Variants in PTPRE observed in about 807,000 individuals in gnomAD.
PTPRE encodes the protein protein tyrosine phosphatase receptor type E.
A neutral mutation model predicts 102.0 loss-of-function variants in PTPRE; 51 were observed. That is an observed-to-expected ratio of 0.50 (90% CI 0.40 to 0.63). The LOEUF (loss-of-function observed/expected upper bound fraction) is 0.63. Among genes scored for constraint, PTPRE ranks in the 30% least tolerant of loss-of-function variants. PTPRE has a pLI of 0.00. For missense variants in PTPRE, 752 were observed against 915.1 expected (o/e 0.82, Z 2.30); for synonymous variants, 345 against 348.2 (o/e 0.99, Z 0.10).
chr10:128,065,598 T>C (rs1379322807), intron 10 of PTPRE, among the ~76,000 whole-genome samples: 1 of 152,166 alleles, frequency 6.6e-6, no homozygotes, highest in African/African-American at 2.4e-5. Flanking sequence ...TCATCACTCT[T>C]GAATGGCAGA....
Position 128,070,773 on chromosome 10 carries a change from G to A in PTPRE, c.1294-35G>A, listed in dbSNP as rs766040487. On this transcript the variant is annotated intron_variant, in intron 14 of 20. Transcript: ENST00000254667. The surrounding 1 kb of genome is among the most constrained non-coding windows in gnomAD (Gnocchi z 4.8). ...AGCAATGTGCTCAGGAGTGTCAGAG[G>A]TTTAACTGTGTCATTATATCCTTCT... The A allele has an allele frequency of 1.3e-6, 2 of 1,593,344 alleles. No homozygotes were observed. Among genetic ancestry groups the A allele is most frequent in the African/African-American group, 1.3e-5 (1 of 74,612 alleles).
chr10:128,030,564 T>C (rs542612259), intron 2 of PTPRE, among the ~76,000 whole-genome samples: 1 of 152,304 alleles, frequency 6.6e-6, no homozygotes, highest in East Asian at 1.9e-4. Flanking sequence ...TATTTCTTCA[T>C]GGCGATTCCT....
intron 1 of PTPRE, among the ~76,000 whole-genome samples, chr10:127,953,432 T>C (rs552197726): frequency 1.3e-5 from 2 of 152,358 alleles, no homozygotes; most frequent in African/African-American, 2.4e-5. Context: ...CACTTGATTA[T>C]GGGCCACCAA....
At chr10:127,965,872 A>G (rs979602182) in intron 1 of PTPRE, among the ~76,000 whole-genome samples, 2 of 152,208 alleles carry the variant, frequency 1.3e-5, no homozygotes, top group Admixed American at 6.5e-5. Context: ...ACAACCCTGG[A>G]CACCTGGACA....
chr10:128,034,011 A>C (rs906520245), intron 2 of PTPRE, among the ~76,000 whole-genome samples: 3 of 152,354 alleles, frequency 2.0e-5, no homozygotes, highest in South Asian at 4.1e-4. Flanking sequence ...GTTGATGTCA[A>C]AATTTATAAA....
At chr10:127,932,537 G>A (rs189800000) in intron 1 of PTPRE, among the ~76,000 whole-genome samples, 48 of 152,298 alleles carry the variant, frequency 3.2e-4, no homozygotes, top group East Asian at 1.4e-3. Context: ...CGCATGGCAC[G>A]CAGGCTCATC....
rs79204792 is a variant in PTPRE at position 128,035,611 on chromosome 10, C to A, written c.-7-5264C>A. ...CCTCATCTGTTTCTTAGTTGAAAGC[C>A]AAACAGCTGCAGGTTTTGACCAGGT... On this transcript the variant is annotated intron_variant, in intron 2 of 20. Transcript: ENST00000254667. Among the ~76,000 whole-genome samples the A allele has an allele frequency of 0.011, 1,699 of 152,304 alleles. 92 individuals carry two copies. The East Asian group carries it at 0.16, about 14-fold the overall frequency.
intron 1 of PTPRE, among the ~76,000 whole-genome samples, chr10:127,975,465 TG>T (rs1039001392): frequency 6.6e-6 from 1 of 152,202 alleles, no homozygotes; most frequent in Non-Finnish European, 1.5e-5. Context: ...TAGTGAATAT[TG>T]CTTTGCCCTG....
At chr10:128,003,252 A>G (rs1442413538) in intron 2 of PTPRE, among the ~76,000 whole-genome samples, 1 of 152,184 alleles carries the variant, frequency 6.6e-6, no homozygotes, top group Non-Finnish European at 1.5e-5. Context: ...AGTGGGCCCC[A>G]TAGAGTGTAG....
chr10:128,057,835 A>G (rs1267287694), intron 7 of PTPRE, among the ~76,000 whole-genome samples: 1 of 152,320 alleles, frequency 6.6e-6, no homozygotes, highest in East Asian at 1.9e-4. Context: ...TGGGTAGAAG[A>G]TATCACAGAA....
intron 2 of PTPRE, among the ~76,000 whole-genome samples, chr10:128,009,548 C>T (rs931368571): frequency 3.3e-5 from 5 of 152,150 alleles, no homozygotes; most frequent in African/African-American, 9.7e-5. Flanking sequence ...GAGCTTCCCC[C>T]GAGGTGCAGC....
chr10:127,935,646 C>A (rs1002301282), intron 1 of PTPRE, among the ~76,000 whole-genome samples: 1 of 152,114 alleles, frequency 6.6e-6, no homozygotes, highest in African/African-American at 2.4e-5. Context: ...CTGCGGAGTA[C>A]CCTGGCTTGA....
At chr10:128,037,276 C>T (rs1305430765) in intron 2 of PTPRE, among the ~76,000 whole-genome samples, 1 of 152,246 alleles carries the variant, frequency 6.6e-6, no homozygotes, top group Non-Finnish European at 1.5e-5. Context: ...ACAGTGGGTT[C>T]TGTCTGGGCT....
rs1589701482 is a variant in PTPRE at position 127,907,756 on chromosome 10, G to A, written c.-31+447G>A. Reference sequence around the variant, plus strand: ...GGAGCCTTTGAAGAAAGTGGCTCGAGTTGTGCCAACTCTGGGAGGGGCCGG... The same window carrying A: ...GGAGCCTTTGAAGAAAGTGGCTCGAATTGTGCCAACTCTGGGAGGGGCCGG... On this transcript the variant is annotated intron_variant, in intron 1 of 20. Transcript: ENST00000254667. The surrounding 1 kb of genome is among the most constrained non-coding windows in gnomAD (Gnocchi z 4.8). Among the ~76,000 whole-genome samples, 1 of 152,280 alleles carries A rather than the reference G, an allele frequency of 6.6e-6. No individual in the cohort carries two copies. Among genetic ancestry groups the A allele is most frequent in the East Asian group, 1.9e-4 (1 of 5,148 alleles).
intron 1 of PTPRE, among the ~76,000 whole-genome samples, chr10:127,908,839 CATGTGGACAAGAGCTAGG>C (rs1346947133): frequency 1.3e-5 from 2 of 152,208 alleles, no homozygotes; most frequent in African/African-American, 4.8e-5. Flanking sequence ...AGACCGTTCC[CATGTGGACAAGAGCTAGG>C]AGCTAGATTT....
At chr10:128,060,192 C>G (rs767970343) in intron 7 of PTPRE, among the ~76,000 whole-genome samples, 1 of 150,832 alleles carries the variant, frequency 6.6e-6, no homozygotes, top group Non-Finnish European at 1.5e-5. Context: ...ACACACTACA[C>G]ACATGCACCA....
chr10:127,991,330 G>A (rs1051340952), intron 2 of PTPRE, among the ~76,000 whole-genome samples: 8 of 152,164 alleles, frequency 5.3e-5, no homozygotes, highest in African/African-American at 1.9e-4. Context: ...TTTTTAATGA[G>A]TGATTCACTA....
At chr10:128,044,356 C>T (rs969240180) in intron 3 of PTPRE, among the ~76,000 whole-genome samples, 1 of 152,168 alleles carries the variant, frequency 6.6e-6, no homozygotes, top group Non-Finnish European at 1.5e-5. Context: ...ATAGGGGACA[C>T]AGTGAGAGCA....
At chr10:127,965,856 G>T (rs1305454370) in intron 1 of PTPRE, among the ~76,000 whole-genome samples, 1 of 152,220 alleles carries the variant, frequency 6.6e-6, no homozygotes, top group Non-Finnish European at 1.5e-5. Flanking sequence ...CACTGGTACT[G>T]CAGCCACAAC....
Sources: gnomAD v4.1 joint callset for allele counts (sites outside exome capture counted in the v4.1 genomes callset) on GRCh38, gnomAD v4.1.1 for gene constraint, Gnocchi (gnomAD v3.1) non-coding constraint, MANE v1.5 for transcripts, NCBI Gene and HGNC (gene_info 2026-07-23, HGNC 2026-07-21) for gene names.